The following EXTL3 variants were observed in gnomAD, a reference collection of about 807,000 sequenced individuals.
EXTL3 encodes exostosin like glycosyltransferase 3, also known as exostosin-like 3.
EXTL3 carries 27 observed loss-of-function variants against 69.3 expected under a neutral mutation model. The ratio of observed to expected loss-of-function variants is 0.39; its 90% confidence interval spans 0.29 to 0.54. The LOEUF (loss-of-function observed/expected upper bound fraction) is 0.54. Ranked by LOEUF, EXTL3 falls within the 20% of genes least tolerant of loss-of-function variation. EXTL3 has a pLI of 0.69. For synonymous variants in EXTL3, 511 were observed against 499.4 expected (o/e 1.02, Z -0.31); for missense variants, 1,003 against 1,231.8 (o/e 0.81, Z 2.78).
At chr8:28,714,106 A>G (rs1801091446) in intron 2 of EXTL3, among the ~76,000 whole-genome samples, 1 of 151,802 alleles carries the variant, frequency 6.6e-6, no homozygotes, top group Non-Finnish European at 1.5e-5. Flanking sequence ...GGGTTTTGCC[A>G]TGTTGGCCAG....
At chr8:28,703,794 G>T (rs907448158) in intron 1 of EXTL3, among the ~76,000 whole-genome samples, 1 of 152,148 alleles carries the variant, frequency 6.6e-6, no homozygotes, top group African/African-American at 2.4e-5. Context: ...TACTCCATTC[G>T]CTGGTTATTA....
At chr8:28,683,854 A>G (rs573950626) in intron 1 of EXTL3, among the ~76,000 whole-genome samples, 2 of 151,840 alleles carry the variant, frequency 1.3e-5, no homozygotes, top group Non-Finnish European at 2.9e-5. Context: ...CTGTTGTGCT[A>G]TCAAATACTA....
intron 1 of EXTL3, among the ~76,000 whole-genome samples, 153 bp from the exon 2 acceptor site, chr8:28,713,304 G>A (rs887031978): frequency 2.0e-5 from 3 of 152,142 alleles, no homozygotes; most frequent in African/African-American, 4.8e-5. Context: ...TCTCTGTTTG[G>A]ACAGTAAATT....
chr8:28,652,421 C>T (rs570932931), intron 1 of EXTL3, among the ~76,000 whole-genome samples: 1 of 151,914 alleles, frequency 6.6e-6, no homozygotes, highest in South Asian at 2.1e-4. Context: ...TTTTTGGAGG[C>T]CAAGGTGGGA....
rs1801978331 is a variant in EXTL3, at chr8:28,750,399, T to C, written c.2551-258T>C. ...CTAGGAGTAGACTTACTGAGACAGC[T>C]GACACTACACACGTTAAGGCTTTTG... On this transcript the variant is annotated intron_variant, in intron 6 of 6. Coordinates refer to ENST00000220562, the MANE Select transcript of EXTL3 (RefSeq NM_001440.4). This position sits in a 1 kb window ranked among gnomAD's most constrained non-coding sequence, Gnocchi z 5.2. Among the ~76,000 whole-genome samples the C allele has an allele frequency of 6.6e-6, 1 of 152,208 alleles. No individual in the cohort carries two copies. The highest frequency in any genetic ancestry group is 2.4e-5 in the African/African-American group (1 of 41,456).
intron 1 of EXTL3, among the ~76,000 whole-genome samples, chr8:28,681,631 G>C (rs1267709465): frequency 6.6e-6 from 1 of 152,178 alleles, no homozygotes; most frequent in African/African-American, 2.4e-5. Flanking sequence ...TCTTTAACAT[G>C]CTGATTTCAT....
chr8:28,737,428 G>C (rs1241659527), intron 4 of EXTL3, 91 bp from the exon 5 acceptor site: 1 of 1,403,350 alleles, frequency 7.1e-7, no homozygotes, highest in African/African-American at 1.4e-5. Context: ...CTAAGGGCCA[G>C]AGCTTGTAAG....
chr8:28,695,129 A>AT (rs528077170), intron 1 of EXTL3, among the ~76,000 whole-genome samples: 35,046 of 137,882 alleles, frequency 0.25, 5,161 homozygotes, highest in African/African-American at 0.41. Context: ...GTAAATGAGG[A>AT]TTTTTTTTTT....
intron 2 of EXTL3, chr8:28,607,861 C>T (rs34558567): frequency 0.26 from 39,990 of 152,002 alleles, 5,405 homozygotes; most frequent in African/African-American, 0.32. Context: ...GCCTGTAATC[C>T]CAGCACTTTG....
chr8:28,614,922 T>C (rs970576896), intron 2 of EXTL3, among the ~76,000 whole-genome samples: 6 of 152,178 alleles, frequency 3.9e-5, no homozygotes, highest in African/African-American at 1.2e-4. Context: ...ATCCATTAGC[T>C]GTTCTTCCTG....
chr8:28,710,275 C>G lies in EXTL3; in HGVS notation c.-569-3182C>G, dbSNP rs1017930452. On this transcript the variant is annotated intron_variant, in intron 1 of 6. Transcript: ENST00000220562. ...TGGGAAAAGTAAATTTGAGAGTCAG[C>G]CAATCAGGGGGCTAAGCGAAGCTCA... is the stretch of plus-strand genomic sequence containing the variant. The G allele has an allele frequency of 1.5e-4, 48 of 325,506 alleles. 1 individual carries two copies. In the Admixed American group the frequency reaches 2.1e-3, roughly 14 times the overall value. The allele number at this position is 325,506 out of a possible 1,614,324, so 20.2% of individuals were successfully genotyped here.
At chr8:28,671,073 C>G (rs973324287) in intron 1 of EXTL3, among the ~76,000 whole-genome samples, 3 of 151,292 alleles carry the variant, frequency 2.0e-5, no homozygotes. Context: ...CTCCGCCTCC[C>G]GGGTTGAAGC....
At chr8:28,656,883 GTCTTTCTTTCTT>G (rs150342301) in intron 1 of EXTL3, among the ~76,000 whole-genome samples, 23 of 151,256 alleles carry the variant, frequency 1.5e-4, no homozygotes, top group African/African-American at 1.5e-4. Context: ...ATTATGGTTG[GTCTTTCTTTCTT>G]TCTTTCTTTC....
At chr8:28,700,178 T>C (rs114849751), upstream of EXTL3, 1,194 of 152,324 alleles carry the variant, frequency 7.8e-3, 5 homozygotes, top group Middle Eastern at 0.02. Context: ...AAGGGTTGCA[T>C]ATGTACACAT....
At chr8:28,621,990 T>A (rs1483042667), upstream of EXTL3, among the ~76,000 whole-genome samples, 1 of 152,258 alleles carries the variant, frequency 6.6e-6, no homozygotes, top group Non-Finnish European at 1.5e-5. Flanking sequence ...ATTTATTTTT[T>A]AACTGCATTT....
intron 2 of EXTL3, among the ~76,000 whole-genome samples, chr8:28,610,646 T>C (rs777669231): frequency 7.2e-5 from 11 of 152,128 alleles, no homozygotes; most frequent in Non-Finnish European, 1.3e-4. Flanking sequence ...ACCATACCTA[T>C]GCGATGATTC....
In EXTL3 at chr8:28,702,643, A is replaced by G. The variant is rs994336661; in HGVS notation, c.-570+984A>G. Among the ~76,000 whole-genome samples, 77 of 149,470 alleles carry G rather than the reference A, an allele frequency of 5.2e-4. 1 individual carries two copies. The highest frequency in any genetic ancestry group is 1.8e-4 in the Non-Finnish European group (12 of 67,848). On this transcript the variant is annotated intron_variant, in intron 1 of 6. Coordinates refer to ENST00000220562, the MANE Select transcript of EXTL3 (RefSeq NM_001440.4). ...TTTAAAAACTCTAAAAGCTTCATCAAGTCCTCTTGGTTCGACTCCTTTGGT... is the reference window on the plus strand; with the variant it reads ...TTTAAAAACTCTAAAAGCTTCATCAGGTCCTCTTGGTTCGACTCCTTTGGT...
upstream of EXTL3, chr8:28,699,315 A>G (rs1351695351): frequency 6.6e-6 from 1 of 152,532 alleles, no homozygotes; most frequent in African/African-American, 2.4e-5. Context: ...GAAATTAGCA[A>G]GAAGAGAGTG....
chr8:28,692,977 A>T (rs1800635600), intron 1 of EXTL3, among the ~76,000 whole-genome samples: 1 of 152,064 alleles, frequency 6.6e-6, no homozygotes, highest in East Asian at 1.9e-4. Flanking sequence ...CATTTTTGCT[A>T]CTCACTGGCA....
Sources: gnomAD v4.1 joint callset for allele counts (sites outside exome capture counted in the v4.1 genomes callset) on GRCh38, gnomAD v4.1.1 for gene constraint, Gnocchi (gnomAD v3.1) non-coding constraint, MANE v1.5 for transcripts, NCBI Gene and HGNC (gene_info 2026-07-23, HGNC 2026-07-21) for gene names.